The following ZFP92 variants were observed in gnomAD, a reference collection of about 807,000 sequenced individuals.
ZFP92 encodes ZFP92 zinc finger protein.
ZFP92 carries 2 observed loss-of-function variants against 7.6 expected under a neutral mutation model. That is an observed-to-expected ratio of 0.26 (90% confidence interval 0.11 to 0.83). The LOEUF (loss-of-function observed/expected upper bound fraction) is 0.83, where lower values mean the gene tolerates loss of function less well. ZFP92 is among the 40% of genes least tolerant of loss of function. ZFP92 has a pLI of 0.65. For missense variants in ZFP92, 324 were observed against 408.3 expected (o/e 0.79, Z 1.78); for synonymous variants, 226 against 183.6 (o/e 1.23, Z -1.87).
In ZFP92 at chrX:153,421,513, A is replaced by G. The variant is rs1556975228; in HGVS notation, c.1136A>G (p.Glu379Gly). Residue 379 changes from glutamate to glycine, a missense_variant, in exon 6 of 6, where the codon GAG becomes GGG. By Grantham distance (98) the Glu-to-Gly change is moderately conservative. Coordinates refer to ENST00000338647, the MANE Select transcript of ZFP92 (RefSeq NM_001136273.2). ...VHGARRPAKA[E>G]TARRLAGPGS... is the part of the protein sequence containing the mutation. ...GGCGCCAGGCGCCCTGCGAAGGCGG[A>G]GACGGCGCGGAGGCTAGCGGGCCCT... The G allele has an allele frequency of 8.8e-7, 1 of 1,141,236 alleles. No homozygotes were observed. Among genetic ancestry groups the G allele is most frequent in the Admixed American group, 2.7e-5 (1 of 37,492 alleles). The allele number at this position is 1,141,236 out of a possible 1,213,427, so 94.1% of individuals were successfully genotyped here. A position where few individuals can be genotyped will look rare whatever the true frequency, so the allele number is the denominator to read the frequency against.
chrX:153,422,383 T>C lies in ZFP92; in HGVS notation c.*755T>C, dbSNP rs1429680341. The C allele has an allele frequency of 1.8e-5, 2 of 111,693 alleles. No homozygotes were observed. Among genetic ancestry groups the C allele is most frequent in the African/African-American group, 3.3e-5 (1 of 30,708 alleles). The allele number at this position is 111,693 out of a possible 1,213,427, so 9.2% of individuals were successfully genotyped here. A position where few individuals can be genotyped will look rare whatever the true frequency, so the allele number is the denominator to read the frequency against. On this transcript the variant is annotated 3_prime_UTR_variant, in exon 6 of 6. Coordinates refer to ENST00000338647, the MANE Select transcript of ZFP92 (RefSeq NM_001136273.2). ...AGGCCCCATCATCCCTGAGCACCAGTGGTTCTGGGAATGGCTAGCCCAGGC... is the reference window on the plus strand; with the variant it reads ...AGGCCCCATCATCCCTGAGCACCAGCGGTTCTGGGAATGGCTAGCCCAGGC...
chrX:153,418,305 C>T lies in ZFP92; in HGVS notation c.-18C>T. 8.6e-7 allele frequency: 1 copy of T among 1,167,626 alleles called. No homozygotes were observed. Among genetic ancestry groups the T allele is most frequent in the East Asian group, 3.3e-5 (1 of 30,749 alleles). ...AGGGGGCTCTTTGCATTTCCCTTAG[C>T]TCCTCTGCGCCCTGGTGATGGCAGC... On this transcript the variant is annotated splice_region_variant and 5_prime_UTR_variant, in exon 3 of 6. Coordinates refer to ENST00000338647, the MANE Select transcript of ZFP92 (RefSeq NM_001136273.2).
intron 3 of ZFP92, 101 bp from the exon 4 acceptor site, chrX:153,418,572 C>T: frequency 9.2e-7 from 1 of 1,092,000 alleles, no homozygotes; most frequent in Non-Finnish European, 1.2e-6. Context: ...CCTGCTGAGC[C>T]TTCCAGGGCT....
Position 153,421,724 on chromosome X carries a change from C to T in ZFP92, c.*96C>T, listed in dbSNP as rs1019039207. The T allele has an allele frequency of 8.1e-5, 72 of 883,577 alleles. No homozygotes were observed. The highest frequency in any genetic ancestry group is 5.1e-4 in the Middle Eastern group (1 of 1,971). 72.8% of individuals were successfully genotyped at this position (883,577 alleles called of 1,213,427 possible). A position where few individuals can be genotyped will look rare whatever the true frequency, so the allele number is the denominator to read the frequency against. On this transcript the variant is annotated 3_prime_UTR_variant, in exon 6 of 6. Coordinates refer to ENST00000338647, the MANE Select transcript of ZFP92 (RefSeq NM_001136273.2). The stretch of plus-strand genomic sequence containing the variant: ...CCCCTTCAGGTGGGAAGACCGCCCT[C>T]CCAGGGCCTCGATTGCGGCCACAGC...
At chrX:153,414,869 G>A (rs1403910965) in intron 2 of ZFP92, among the ~76,000 whole-genome samples, 6 of 111,316 alleles carry the variant, frequency 5.4e-5, no homozygotes, top group African/African-American at 2.0e-4. Flanking sequence ...TTTTATGAGA[G>A]TTAAAGGTTC....
intron 2 of ZFP92, among the ~76,000 whole-genome samples, chrX:153,414,097 G>C (rs2088931467): frequency 8.9e-6 from 1 of 112,387 alleles, no homozygotes; most frequent in Non-Finnish European, 1.9e-5. Flanking sequence ...AATGGGTAGT[G>C]AACTTTCAGT....
Position 153,421,232 on chromosome X carries a change from G to A in ZFP92, c.855G>A (p.Thr285=), listed in dbSNP as rs782587292. The part of the protein sequence containing the change: ...RSSNLIEHQR[T]HRGEKPYACG... ...CCAACCTCATCGAGCACCAGCGCAC[G>A]CACCGCGGCGAGAAGCCCTACGCCT... is the stretch of plus-strand genomic sequence containing the variant. The change falls in exon 6 of 6, where the codon ACG becomes ACA. Residue 285 remains threonine, a synonymous_variant. Coordinates refer to ENST00000338647, the MANE Select transcript of ZFP92 (RefSeq NM_001136273.2). 8 of 1,174,702 alleles carry A rather than the reference G, an allele frequency of 6.8e-6. No homozygotes were observed. In the Admixed American group the frequency reaches 1.2e-4, roughly 18 times the overall value.
intron 4 of ZFP92, 55 bp from the exon 5 acceptor site, chrX:153,420,172 GA>G: frequency 1.0e-6 from 1 of 953,238 alleles, no homozygotes; most frequent in Non-Finnish European, 1.4e-6. Context: ...CTGAGTTCAG[GA>G]GCGACCCTGC....
chrX:153,412,837 G>A (rs997294340), intron 2 of ZFP92, among the ~76,000 whole-genome samples: 4 of 111,949 alleles, frequency 3.6e-5, no homozygotes, highest in South Asian at 7.5e-4. Context: ...GACAGGACCC[G>A]ACCCGCCTGT....
chrX:153,424,399 G>C lies in ZFP92; in HGVS notation c.*2771G>C, dbSNP rs781877544. 1 of 112,476 alleles carries C rather than the reference G, an allele frequency of 8.9e-6. No individual in the cohort carries two copies. The highest frequency in any genetic ancestry group is 1.9e-5 in the Non-Finnish European group (1 of 53,245). The allele number at this position is 112,476 out of a possible 1,213,427, so 9.3% of individuals were successfully genotyped here. ...TGGGTGTGGCAGTTAGGTATGCCAC[G>C]TGAGCTGAACGGGTTTCACATGGAA... On this transcript the variant is annotated 3_prime_UTR_variant, in exon 6 of 6. Coordinates refer to ENST00000338647, the MANE Select transcript of ZFP92 (RefSeq NM_001136273.2).
At chrX:153,412,415 C>A (rs781823577) in intron 2 of ZFP92, among the ~76,000 whole-genome samples, 1 of 112,641 alleles carries the variant, frequency 8.9e-6, no homozygotes, top group South Asian at 3.7e-4. Context: ...CGGTAGTAAG[C>A]CCTGCCCTGT....
At chrX:153,416,019 T>C (rs77394715) in intron 2 of ZFP92, among the ~76,000 whole-genome samples, 2 of 111,150 alleles carry the variant, frequency 1.8e-5, no homozygotes, top group South Asian at 7.7e-4. Context: ...TCTCTTTTCA[T>C]CTAGAACAGC....
chrX:153,418,334 T>C lies in ZFP92; in HGVS notation c.12T>C (p.Ile4=), dbSNP rs1556974216. The change falls in exon 3 of 6, where the codon ATT becomes ATC. Residue 4 remains isoleucine, a synonymous_variant. Coordinates refer to ENST00000338647, the MANE Select transcript of ZFP92 (RefSeq NM_001136273.2). Reference sequence around the variant, plus strand: ...TCTGCGCCCTGGTGATGGCAGCCATTCTCCTGACCACGAGACCCAAGGTGA... The same window carrying C: ...TCTGCGCCCTGGTGATGGCAGCCATCCTCCTGACCACGAGACCCAAGGTGA... The part of the protein sequence containing the change: MAA[I]LLTTRPKVPV... 1 of 1,167,411 alleles carries C rather than the reference T, an allele frequency of 8.6e-7. No individual in the cohort carries two copies. The highest frequency in any genetic ancestry group is 2.6e-5 in the Admixed American group (1 of 38,735).
rs782364673 is a variant in ZFP92, at chrX:153,425,037, C to T, written c.*3409C>T. The T allele has an allele frequency of 2.7e-5, 3 of 112,470 alleles. No individual in the cohort carries two copies. Among genetic ancestry groups the T allele is most frequent in the Admixed American group, 9.4e-5 (1 of 10,672 alleles). The allele number at this position is 112,470 out of a possible 1,213,427, so 9.3% of individuals were successfully genotyped here. A position where few individuals can be genotyped will look rare whatever the true frequency, so the allele number is the denominator to read the frequency against. ...TCGGGTCAGCCCAGGGGTGCAGGCT[C>T]CTCTGACTGGGACCACAGGCAGCCA... On this transcript the variant is annotated 3_prime_UTR_variant, in exon 6 of 6. Transcript: ENST00000338647.
In ZFP92 at chrX:153,424,491, C is replaced by T. The variant is rs2089029607; in HGVS notation, c.*2863C>T. 1 of 111,989 alleles carries T rather than the reference C, an allele frequency of 8.9e-6. No individual in the cohort carries two copies. Among genetic ancestry groups the T allele is most frequent in the Non-Finnish European group, 1.9e-5 (1 of 53,191 alleles). The allele number at this position is 111,989 out of a possible 1,213,427, so 9.2% of individuals were successfully genotyped here. A position where few individuals can be genotyped will look rare whatever the true frequency, so the allele number is the denominator to read the frequency against. ...TCAATGGTGCCTTGAAATTGGGCTC[C>T]CTCCCTCTTGCTGTGTGGGGAACTG... is the stretch of plus-strand genomic sequence containing the variant. On this transcript the variant is annotated 3_prime_UTR_variant, in exon 6 of 6. Coordinates refer to ENST00000338647, the MANE Select transcript of ZFP92 (RefSeq NM_001136273.2).
chrX:153,418,844 T>G (rs1556974395), intron 4 of ZFP92, 45 bp downstream of exon 4: 25 of 1,145,503 alleles, frequency 2.2e-5, no homozygotes, highest in Non-Finnish European at 2.9e-5. Flanking sequence ...TCCCACCTAC[T>G]CTGTCTCTGG....
chrX:153,424,819 T>C lies in ZFP92; in HGVS notation c.*3191T>C, dbSNP rs782427844. 1 of 112,992 alleles carries C rather than the reference T, an allele frequency of 8.9e-6. No homozygotes were observed. The highest frequency in any genetic ancestry group is 3.7e-4 in the South Asian group (1 of 2,737). 9.3% of individuals were successfully genotyped at this position (112,992 alleles called of 1,213,427 possible). On this transcript the variant is annotated 3_prime_UTR_variant, in exon 6 of 6. Coordinates refer to ENST00000338647, the MANE Select transcript of ZFP92 (RefSeq NM_001136273.2). ...GCAAATAAGGAAGATGTATGAGTAT[T>C]GGCCTGGAAATGAGCCCTCTAGTGT...
At position 153,421,657 on chromosome X, in the gene ZFP92, C is replaced by A; in HGVS notation, c.*29C>A. The A allele has an allele frequency of 2.1e-6, 2 of 945,027 alleles. No individual in the cohort carries two copies. The highest frequency in any genetic ancestry group is 2.6e-6 in the Non-Finnish European group (2 of 760,857). The allele number at this position is 945,027 out of a possible 1,213,427, so 77.9% of individuals were successfully genotyped here. A position where few individuals can be genotyped will look rare whatever the true frequency, so the allele number is the denominator to read the frequency against. On this transcript the variant is annotated 3_prime_UTR_variant, in exon 6 of 6. Transcript: ENST00000338647. ...CCCGCCAGCGCACCCAGGGCGCGGC[C>A]GGTCTGCGTGGGGGGCCTTCCTGGG...
rs1380832658 is a variant in ZFP92 at position 153,411,702 on chromosome X, A to G, written c.-69A>G. Among the ~76,000 whole-genome samples the G allele has an allele frequency of 8.9e-6, 1 of 112,844 alleles. No individual in the cohort carries two copies. Among genetic ancestry groups the G allele is most frequent in the Admixed American group, 9.2e-5 (1 of 10,869 alleles). On this transcript the variant is annotated splice_region_variant and 5_prime_UTR_variant, in exon 1 of 6. Transcript: ENST00000338647. ...ACTCCCTCGGCTGCCCGCCGAGCCC[A>G]GGTAAGAGGGCCGAGCTGGGCCGCA... is the stretch of plus-strand genomic sequence containing the variant.
Sources: allele counts gnomAD v4.1 joint callset (sites outside exome capture counted in the v4.1 genomes callset), GRCh38; gene constraint gnomAD v4.1.1; transcripts MANE v1.5; gene names NCBI Gene and HGNC (gene_info 2026-07-23, HGNC 2026-07-21).